Variants in WWOX observed in about 807,000 individuals in gnomAD.
The protein encoded by WWOX is WW domain containing oxidoreductase, also known as WW domain-containing oxidoreductase.
WWOX carries 69 observed loss-of-function variants against 46.2 expected under a neutral mutation model. The ratio of observed to expected loss-of-function variants is 1.49; its 90% CI spans 1.23 to 1.82. WWOX has a LOEUF of 1.82. WWOX is among the 40% of genes most tolerant of loss of function. WWOX has a pLI of 0.00. For missense variants in WWOX, 919 were observed against 542.6 expected, an observed-to-expected ratio of 1.69 and a Z score of -6.89; for synonymous variants, 359 against 202.6, an observed-to-expected ratio of 1.77 and a Z score of -6.56.
At chr16:78,920,007 G>A (rs911797273) in intron 8 of WWOX, among the ~76,000 whole-genome samples, 23 of 152,172 alleles carry the variant, frequency 1.5e-4, no homozygotes, top group Non-Finnish European at 2.9e-4. Flanking sequence ...TGGAAGGGAA[G>A]CACTGAGGGT....
intron 8 of WWOX, among the ~76,000 whole-genome samples, chr16:78,663,708 G>C (rs1279648807): frequency 6.6e-6 from 1 of 152,224 alleles, no homozygotes; most frequent in African/African-American, 2.4e-5. Flanking sequence ...AGTAGGGAAA[G>C]AAAACAGATA....
chr16:78,786,069 G>C (rs1232775174), intron 8 of WWOX, among the ~76,000 whole-genome samples: 1 of 152,080 alleles, frequency 6.6e-6, no homozygotes, highest in African/African-American at 2.4e-5. Context: ...ACCACGCCTG[G>C]CTAATTGTTT....
chr16:78,883,367 G>A (rs1162684533), intron 8 of WWOX, among the ~76,000 whole-genome samples: 1 of 152,114 alleles, frequency 6.6e-6, no homozygotes, highest in East Asian at 1.9e-4. Context: ...GGACTGTAGT[G>A]GGAAACTCGT....
chr16:78,533,615 C>T (rs1418200503), intron 8 of WWOX, among the ~76,000 whole-genome samples: 1 of 152,076 alleles, frequency 6.6e-6, no homozygotes, highest in Admixed American at 6.6e-5. Flanking sequence ...ACTAGAAAAT[C>T]CTGGGCTGGC....
chr16:78,891,483 T>C (rs1261895051), intron 8 of WWOX: 2 of 152,148 alleles, frequency 1.3e-5, no homozygotes, highest in African/African-American at 2.4e-5. Flanking sequence ...TGGTAATCAA[T>C]AGCAATATGA....
intron 5 of WWOX, among the ~76,000 whole-genome samples, chr16:78,272,883 C>A (rs913070903): frequency 5.3e-5 from 8 of 152,094 alleles, no homozygotes; most frequent in Admixed American, 3.9e-4. Context: ...CTGCCTTTCA[C>A]CCCCACAAGA....
At chr16:78,275,026 C>G (rs2079550613) in intron 5 of WWOX, among the ~76,000 whole-genome samples, 1 of 152,170 alleles carries the variant, frequency 6.6e-6, no homozygotes, top group South Asian at 2.1e-4. Flanking sequence ...TTCAGTTCAG[C>G]AAGCACTGAG....
At chr16:78,527,817 T>C (rs2151508014) in intron 8 of WWOX, among the ~76,000 whole-genome samples, 1 of 150,776 alleles carries the variant, frequency 6.6e-6, no homozygotes, top group East Asian at 2.0e-4. Context: ...GGGTAGAGGA[T>C]AGGGGGGAAA....
intron 8 of WWOX, among the ~76,000 whole-genome samples, chr16:78,652,764 C>G (rs556824598): frequency 3.3e-5 from 5 of 152,260 alleles, no homozygotes; most frequent in Admixed American, 3.3e-4. Flanking sequence ...GGTAAAGAAG[C>G]AGATATTTCT....
intron 8 of WWOX, among the ~76,000 whole-genome samples, chr16:79,027,679 G>C (rs747629412): frequency 1.3e-5 from 2 of 151,808 alleles, no homozygotes; most frequent in Non-Finnish European, 2.9e-5. Context: ...GAACACCTTG[G>C]AGATACTTAT....
At chr16:78,377,103 C>T (rs750463653) in intron 5 of WWOX, among the ~76,000 whole-genome samples, 1 of 152,228 alleles carries the variant, frequency 6.6e-6, no homozygotes, top group Admixed American at 6.5e-5. Context: ...AGTTCCAGTG[C>T]TTAACAAGTT....
At chr16:78,102,308 C>T (rs1053070022) in intron 1 of WWOX, among the ~76,000 whole-genome samples, 4 of 152,120 alleles carry the variant, frequency 2.6e-5, no homozygotes, top group East Asian at 1.9e-4. Flanking sequence ...ATGGCCTGTC[C>T]AGGGGCCTGT....
At chr16:78,152,300 T>C (rs1347302567) in intron 4 of WWOX, among the ~76,000 whole-genome samples, 1 of 152,214 alleles carries the variant, frequency 6.6e-6, no homozygotes, top group Non-Finnish European at 1.5e-5. Flanking sequence ...TCATGCAATA[T>C]AATTTATATA....
At chr16:78,966,770 C>G (rs1316727193) in intron 8 of WWOX, among the ~76,000 whole-genome samples, 3 of 152,080 alleles carry the variant, frequency 2.0e-5, no homozygotes, top group Non-Finnish European at 2.9e-5. Flanking sequence ...AAATGGAGGT[C>G]TGGATTCAAA....
At chr16:78,770,801 T>G (rs1173863472) in intron 8 of WWOX, among the ~76,000 whole-genome samples, 1 of 7,306 alleles carries the variant, frequency 1.4e-4, no homozygotes, top group Non-Finnish European at 6.6e-4. Context: ...GGGGAAACTC[T>G]TCTTTCCTCC....
intron 8 of WWOX, among the ~76,000 whole-genome samples, chr16:78,635,711 C>G (rs1044604220): frequency 6.6e-6 from 1 of 152,180 alleles, no homozygotes; most frequent in Non-Finnish European, 1.5e-5. Context: ...TCAACATCAT[C>G]TCCGTCCACA....
intron 8 of WWOX, among the ~76,000 whole-genome samples, chr16:79,124,713 C>G (rs12447103): frequency 0.34 from 51,255 of 152,060 alleles, 9,106 homozygotes; most frequent in South Asian, 0.51. Context: ...TGGAGCAAAA[C>G]AGATGTGAAA....
intron 8 of WWOX, among the ~76,000 whole-genome samples, chr16:79,008,812 G>C (rs778639055): frequency 2.0e-5 from 3 of 152,136 alleles, no homozygotes; most frequent in Non-Finnish European, 4.4e-5. Flanking sequence ...CCCCACAAAC[G>C]TGCACCTGCA....
chr16:79,136,662 G>A (rs1163060411), intron 8 of WWOX, among the ~76,000 whole-genome samples: 2 of 152,134 alleles, frequency 1.3e-5, no homozygotes, highest in African/African-American at 4.8e-5. Context: ...AGACAGGGTG[G>A]GCACCAGTTC....
Sources: gnomAD v4.1 joint callset for allele counts (sites outside exome capture counted in the v4.1 genomes callset) on GRCh38, gnomAD v4.1.1 for gene constraint, MANE v1.5 for transcripts, NCBI Gene and HGNC (gene_info 2026-07-23, HGNC 2026-07-21) for gene names.